The following JAZF1 variants were observed in gnomAD, a reference collection of about 807,000 sequenced individuals.
JAZF1 encodes juxtaposed with another zinc finger protein 1.
JAZF1 carries 8 observed loss-of-function variants against 26.4 expected under a neutral mutation model. The observed-to-expected ratio is 0.30, with a 90% CI of 0.18 to 0.55. JAZF1 has a LOEUF of 0.55. Among genes scored for constraint, JAZF1 ranks in the 20% least tolerant of loss-of-function variants. JAZF1 has a pLI of 0.94. For synonymous variants in JAZF1, 126 were observed against 122.3 expected (o/e 1.03, Z -0.20); for missense variants, 199 against 322.0 (o/e 0.62, Z 2.92).
chr7:28,165,823 G>C (rs1179834248), intron 1 of JAZF1, among the ~76,000 whole-genome samples: 1 of 152,180 alleles, frequency 6.6e-6, no homozygotes, highest in Admixed American at 6.5e-5. Flanking sequence ...GGTTATGACT[G>C]TTTGAAATTA....
At chr7:28,027,980 T>G (rs1479552768) in intron 1 of JAZF1, among the ~76,000 whole-genome samples, 1 of 152,204 alleles carries the variant, frequency 6.6e-6, no homozygotes, top group Non-Finnish European at 1.5e-5. Flanking sequence ...TAGAGCCTAT[T>G]ACATTCTAAA....
intron 2 of JAZF1, among the ~76,000 whole-genome samples, chr7:27,968,545 C>G (rs532811154): frequency 2.0e-5 from 3 of 152,322 alleles, no homozygotes; most frequent in African/African-American, 7.2e-5. Flanking sequence ...GCACATGCCT[C>G]TTTAAAACTG....
At position 27,840,681 on chromosome 7, in the gene JAZF1, T is replaced by C. The variant is rs1350981891; in HGVS notation, c.555+17A>G. 1 of 1,613,336 alleles carries C rather than the reference T, an allele frequency of 6.2e-7. No individual in the cohort carries two copies. Among genetic ancestry groups the C allele is most frequent in the East Asian group, 2.2e-5 (1 of 44,888 alleles). Reference sequence around the variant, plus strand: ...TGTTTCCATGTGGTTATGCCAAGCATGCAGCACCTCTGTTACCTTGTATCT... The same window carrying C: ...TGTTTCCATGTGGTTATGCCAAGCACGCAGCACCTCTGTTACCTTGTATCT... On this transcript the variant is annotated intron_variant, in intron 4 of 4. Transcript: ENST00000283928. This position sits in a 1 kb window ranked among gnomAD's most constrained non-coding sequence, Gnocchi z 5.1.
chr7:28,155,403 T>TA (rs554366483), intron 1 of JAZF1, among the ~76,000 whole-genome samples: 6 of 152,296 alleles, frequency 3.9e-5, no homozygotes, highest in African/African-American at 1.2e-4. Context: ...GGCTCTGGAA[T>TA]AATACATCAC....
intron 3 of JAZF1, among the ~76,000 whole-genome samples, chr7:27,857,277 G>T (rs1467031191): frequency 6.6e-6 from 1 of 152,188 alleles, no homozygotes. Context: ...TCACTGCCTG[G>T]GGCTTGCGGG....
intron 3 of JAZF1, among the ~76,000 whole-genome samples, chr7:27,863,652 G>A (rs1783419771): frequency 6.6e-6 from 1 of 152,114 alleles, no homozygotes; most frequent in Non-Finnish European, 1.5e-5. Context: ...AAAGTGACTG[G>A]CACACAATTG....
chr7:28,154,848 CAAT>C (rs1471757800), intron 1 of JAZF1, among the ~76,000 whole-genome samples: 4 of 150,184 alleles, frequency 2.7e-5, no homozygotes, highest in African/African-American at 7.4e-5. Flanking sequence ...AGGGGGCTCT[CAAT>C]GATAGAAGGA....
chr7:28,119,307 T>A (rs768464499), intron 1 of JAZF1, among the ~76,000 whole-genome samples: 1 of 152,132 alleles, frequency 6.6e-6, no homozygotes, highest in Non-Finnish European at 1.5e-5. Flanking sequence ...TATCTAAGTA[T>A]CTAAAACTAA....
intron 2 of JAZF1, among the ~76,000 whole-genome samples, chr7:27,907,830 C>G (rs539785754): frequency 1.2e-4 from 19 of 152,248 alleles, no homozygotes; most frequent in African/African-American, 4.6e-4. Flanking sequence ...CCAAGACGGC[C>G]ACACGAATCG....
chr7:28,009,393 A>C (rs1449616655), intron 1 of JAZF1, among the ~76,000 whole-genome samples: 1 of 152,192 alleles, frequency 6.6e-6, no homozygotes, highest in African/African-American at 2.4e-5. Flanking sequence ...ATTTTAAATC[A>C]TAACCAGTAC....
intron 1 of JAZF1, among the ~76,000 whole-genome samples, chr7:28,018,636 T>C (rs1025882153): frequency 6.6e-6 from 1 of 152,178 alleles, no homozygotes; most frequent in Non-Finnish European, 1.5e-5. Flanking sequence ...TTCACTGTTC[T>C]GAGAAACCTG....
chr7:27,879,474 AG>A (rs1332067606), intron 3 of JAZF1, among the ~76,000 whole-genome samples: 1 of 152,208 alleles, frequency 6.6e-6, no homozygotes, highest in African/African-American at 2.4e-5. Flanking sequence ...AACAATGAAC[AG>A]GTATGCAGAA....
chr7:28,043,972 A>G (rs992264059), intron 1 of JAZF1, among the ~76,000 whole-genome samples: 7 of 152,238 alleles, frequency 4.6e-5, no homozygotes, highest in Admixed American at 3.3e-4. Context: ...GGTTACCAGG[A>G]GCAAGGGGGA....
chr7:27,841,040 G>A (rs1782913525), intron 3 of JAZF1, 173 bp from the exon 4 acceptor site: 2 of 612,396 alleles, frequency 3.3e-6, no homozygotes, highest in Admixed American at 3.0e-5. Context: ...TACAACCCTG[G>A]AAGCAGGAGC....
chr7:28,062,162 G>A lies in JAZF1; in HGVS notation c.116-70181C>T, dbSNP rs147062134. 3.0e-4 allele frequency among the ~76,000 whole-genome samples: 45 copies of A among 152,236 alleles called. 1 individual carries two copies. The highest frequency in any genetic ancestry group is 2.2e-3 in the Admixed American group (34 of 15,294). ...TCTGGGATTTGGGGTTGTGCCAACC[G>A]TCAGGTCATCACTGTTCAACTCCAA... On this transcript the variant is annotated intron_variant, in intron 1 of 4. Coordinates refer to ENST00000283928, the MANE Select transcript of JAZF1 (RefSeq NM_175061.4).
At chr7:28,177,945 T>A (rs1783573025) in intron 1 of JAZF1, among the ~76,000 whole-genome samples, 1 of 152,200 alleles carries the variant, frequency 6.6e-6, no homozygotes, top group East Asian at 1.9e-4. Flanking sequence ...AAAGGGCCTC[T>A]CCCCAGCAGA....
chr7:27,843,652 G>A (rs1782964127), intron 3 of JAZF1: 1 of 152,290 alleles, frequency 6.6e-6, no homozygotes. Context: ...TAAGCTCAGA[G>A]AAGGAGCAAA....
rs369619613 is a variant in JAZF1 at position 27,978,357 on chromosome 7, G to C, written c.188+13552C>G. 7.9e-5 allele frequency among the ~76,000 whole-genome samples: 12 copies of C among 152,310 alleles called. No homozygotes were observed. In the South Asian group the frequency reaches 1.7e-3, roughly 21 times the overall value. On this transcript the variant is annotated intron_variant, in intron 2 of 4. Transcript: ENST00000283928. ...ATACATTGGAAATGTGGGAAAAACAGTGATAGTTTCTGAGCAAAAAACAGC... is the reference window on the plus strand; with the variant it reads ...ATACATTGGAAATGTGGGAAAAACACTGATAGTTTCTGAGCAAAAAACAGC...
At chr7:27,899,219 T>C (rs1016833947) in intron 2 of JAZF1, among the ~76,000 whole-genome samples, 1 of 152,168 alleles carries the variant, frequency 6.6e-6, no homozygotes, top group Non-Finnish European at 1.5e-5. Context: ...GAGACAAAAG[T>C]GTCTAGAGAA....
Sources: allele counts gnomAD v4.1 joint callset (sites outside exome capture counted in the v4.1 genomes callset), GRCh38; gene constraint gnomAD v4.1.1; non-coding constraint Gnocchi (gnomAD v3.1); transcripts MANE v1.5; gene names NCBI Gene and HGNC (gene_info 2026-07-23, HGNC 2026-07-21).